TMEM216: variants seen among roughly 807,000 people sequenced by gnomAD.
The protein encoded by TMEM216 is cerebello-oculo-renal syndrome 2.
TMEM216 carries 15 observed loss-of-function variants against 17.8 expected under a neutral mutation model. The ratio of observed to expected loss-of-function variants is 0.84; its 90% CI spans 0.56 to 1.30. The LOEUF (loss-of-function observed/expected upper bound fraction) is 1.30, where lower values mean the gene tolerates loss of function less well. Among genes scored for constraint, TMEM216 ranks in the 50% most tolerant of loss-of-function variants. The probability of loss-of-function intolerance (pLI) is 0.00; values close to 1 mark genes in which losing one functional copy is unlikely to be tolerated. For missense variants in TMEM216, 160 were observed against 175.7 expected, an observed-to-expected ratio of 0.91 and a Z score of 0.51; for synonymous variants, 58 against 73.5, an observed-to-expected ratio of 0.79 and a Z score of 1.08.
chr11:61,398,406 A>G lies in TMEM216; in HGVS notation c.*130A>G. The G allele has an allele frequency of 9.8e-7, 1 of 1,016,882 alleles. No individual in the cohort carries two copies. The highest frequency in any genetic ancestry group is 2.6e-5 in the East Asian group (1 of 38,668). 63.0% of individuals were successfully genotyped at this position (1,016,882 alleles called of 1,614,324 possible). Reference sequence around the variant, plus strand: ...AGGCTGTGTGGCTTTTCTTCAGCACAGACATTTGGGCAAGCAACTCAGCAT... The same window carrying G: ...AGGCTGTGTGGCTTTTCTTCAGCACGGACATTTGGGCAAGCAACTCAGCAT... On this transcript the variant is annotated 3_prime_UTR_variant, in exon 5 of 5. Transcript: ENST00000515837.
Position 61,398,338 on chromosome 11 carries a change from T to G in TMEM216, c.*62T>G. On this transcript the variant is annotated 3_prime_UTR_variant, in exon 5 of 5. Coordinates refer to ENST00000515837, the MANE Select transcript of TMEM216 (RefSeq NM_001173990.3). ...ACCACACATATTGCTTCTGGTACTT[T>G]AGCCACACCAGTGAGAATTGGTGGG... 1 of 1,568,990 alleles carries G rather than the reference T, an allele frequency of 6.4e-7. No individual in the cohort carries two copies. Among genetic ancestry groups the G allele is most frequent in the Non-Finnish European group, 8.7e-7 (1 of 1,145,264 alleles).
chr11:61,393,421 C>G (rs1590641970), intron 2 of TMEM216, 89 bp downstream of exon 2: 2 of 937,412 alleles, frequency 2.1e-6, no homozygotes. Context: ...ATTTTCCGTT[C>G]TTTTCTGCCC....
chr11:61,392,861 G>C, intron 1 of TMEM216, 196 bp downstream of exon 1: 1 of 985,374 alleles, frequency 1.0e-6, no homozygotes, highest in Non-Finnish European at 1.2e-6. Flanking sequence ...TCAAATAAAC[G>C]CAGATCCTTG....
At position 61,393,806 on chromosome 11, in the gene TMEM216, T is replaced by A. The variant is rs921296420; in HGVS notation, c.137-78T>A. 2.7e-6 allele frequency: 3 copies of A among 1,127,448 alleles called. No individual in the cohort carries two copies. In the African/African-American group the frequency reaches 4.6e-5, roughly 17 times the overall value. 69.8% of individuals were successfully genotyped at this position (1,127,448 alleles called of 1,614,324 possible). On this transcript the variant is annotated intron_variant, in intron 2 of 4. Transcript: ENST00000515837. ...TCATGGAAAGCTGAGACTGATGTCC[T>A]CTTTTTTCCCAAGTGTGTGGCAGTT...
chr11:61,395,937 GTAATT>G (rs896973415), intron 3 of TMEM216, among the ~76,000 whole-genome samples: 7 of 152,080 alleles, frequency 4.6e-5, no homozygotes, highest in Non-Finnish European at 5.9e-5. Flanking sequence ...CACTTTTGTG[GTAATT>G]TAATTTAGTA....
rs1040849007 is a variant in TMEM216 at position 61,397,662 on chromosome 11, C to T, written c.230-112C>T. 6.6e-6 allele frequency: 6 copies of T among 909,022 alleles called. No individual in the cohort carries two copies. The African/African-American group carries it at 9.8e-5, about 15-fold the overall frequency. The allele number at this position is 909,022 out of a possible 1,614,324, so 56.3% of individuals were successfully genotyped here. A position where few individuals can be genotyped will look rare whatever the true frequency, so the allele number is the denominator to read the frequency against. ...ACCCCATTTATAAATCTGCACACCC[C>T]CACTCAGGATTATTTTTTGTGCCTT... is the stretch of plus-strand genomic sequence containing the variant. On this transcript the variant is annotated intron_variant, in intron 3 of 4. Transcript: ENST00000515837.
intron 1 of TMEM216, 109 bp downstream of exon 1, chr11:61,392,774 G>C: frequency 6.5e-7 from 1 of 1,529,260 alleles, no homozygotes; most frequent in South Asian, 1.2e-5. Flanking sequence ...CGTTAGGGAC[G>C]TCGCGCCTCC....
intron 2 of TMEM216, among the ~76,000 whole-genome samples, chr11:61,393,573 C>T (rs1858728219): frequency 6.6e-6 from 1 of 152,204 alleles, no homozygotes; most frequent in Non-Finnish European, 1.5e-5. Context: ...CACATCACTG[C>T]TCTTTGCTGA....
Position 61,392,637 on chromosome 11 carries a change from G to A in TMEM216, c.6G>A (p.Leu2=), listed in dbSNP as rs1215171242. The A allele has an allele frequency of 6.5e-7, 1 of 1,535,880 alleles. No homozygotes were observed. The highest frequency in any genetic ancestry group is 2.0e-5 in the Admixed American group (1 of 50,990). Residue 2 remains leucine (L), a synonymous_variant, in exon 1 of 5, where the codon CTG becomes CTA. Transcript: ENST00000515837. ...GGGAGCCGCTGTGGCAGCGTATGCT[G>A]CCACGGGGACTGAAGATGGCGCCGC... M[L]PRGLKMAPRG... is the part of the protein sequence containing the mutation.
chr11:61,397,088 C>A (rs1858816677), intron 3 of TMEM216, among the ~76,000 whole-genome samples: 1 of 151,828 alleles, frequency 6.6e-6, no homozygotes, highest in Non-Finnish European at 1.5e-5. Context: ...CAATACACGT[C>A]ATTCTCTAAT....
chr11:61,398,362 G>C lies in TMEM216; in HGVS notation c.*86G>C. 1 of 1,440,964 alleles carries C rather than the reference G, an allele frequency of 6.9e-7. No homozygotes were observed. The highest frequency in any genetic ancestry group is 9.6e-7 in the Non-Finnish European group (1 of 1,040,422). 89.3% of individuals were successfully genotyped at this position (1,440,964 alleles called of 1,614,324 possible). ...TTAGCCACACCAGTGAGAATTGGTGGGGCAAGTTGTCCTGAGAAAGGCTGT... is the reference window on the plus strand; with the variant it reads ...TTAGCCACACCAGTGAGAATTGGTGCGGCAAGTTGTCCTGAGAAAGGCTGT... On this transcript the variant is annotated 3_prime_UTR_variant, in exon 5 of 5. Transcript: ENST00000515837.
At chr11:61,393,353 G>C (rs1858722133) in intron 2 of TMEM216, 21 bp downstream of exon 2, 1 of 1,481,484 alleles carries the variant, frequency 6.7e-7, no homozygotes, top group Admixed American at 2.0e-5. Context: ...CTTGGGGCTT[G>C]ACGACAGCAT....
chr11:61,393,334 T>C lies in TMEM216; in HGVS notation c.136+2T>C. The C allele has an allele frequency of 6.5e-7, 1 of 1,527,964 alleles. No homozygotes were observed. Among genetic ancestry groups the C allele is most frequent in the Non-Finnish European group, 8.8e-7 (1 of 1,139,470 alleles). 94.7% of individuals were successfully genotyped at this position (1,527,964 alleles called of 1,614,324 possible). A position where few individuals can be genotyped will look rare whatever the true frequency, so the allele number is the denominator to read the frequency against. ...AACTTTTCATATTTCTGTATAAAGGTAAGGAAGGCTTGGGGCTTGACGACA... is the reference window on the plus strand; with the variant it reads ...AACTTTTCATATTTCTGTATAAAGGCAAGGAAGGCTTGGGGCTTGACGACA... On this transcript the variant is annotated splice_donor_variant, in intron 2 of 4. Coordinates refer to ENST00000515837, the MANE Select transcript of TMEM216 (RefSeq NM_001173990.3). LOFTEE classifies it high-confidence loss of function.
chr11:61,396,143 A>C (rs1359778706), intron 3 of TMEM216, among the ~76,000 whole-genome samples: 2 of 152,252 alleles, frequency 1.3e-5, no homozygotes, highest in Non-Finnish European at 2.9e-5. Flanking sequence ...GGGATTGTTA[A>C]ATCAGTTACG....
intron 3 of TMEM216, chr11:61,394,279 T>G (rs1168240655): frequency 2.7e-6 from 1 of 368,502 alleles, no homozygotes; most frequent in African/African-American, 2.1e-5. Context: ...ATAGGTTCAG[T>G]TGTAACTCCA....
intron 2 of TMEM216, 57 bp from the exon 3 acceptor site, chr11:61,393,827 C>A: frequency 2.9e-6 from 4 of 1,371,786 alleles, no homozygotes; most frequent in Non-Finnish European, 3.1e-6. Flanking sequence ...AAGTGTGTGG[C>A]AGTTCTTGTG....
chr11:61,392,604 G>A lies in TMEM216; in HGVS notation c.-28G>A. The A allele has an allele frequency of 1.3e-6, 2 of 1,535,156 alleles. No homozygotes were observed. The highest frequency in any genetic ancestry group is 1.7e-6 in the Non-Finnish European group (2 of 1,146,532). ...TCGTCCCTGTTTCCGGCAGCGCCGC[G>A]CTGCTCCGGGAGCCGCTGTGGCAGC... On this transcript the variant is annotated 5_prime_UTR_variant, in exon 1 of 5. Coordinates refer to ENST00000515837, the MANE Select transcript of TMEM216 (RefSeq NM_001173990.3).
At position 61,398,484 on chromosome 11, in the gene TMEM216, T is replaced by C; in HGVS notation, c.*208T>C. The C allele has an allele frequency of 1.7e-6, 1 of 600,734 alleles. No individual in the cohort carries two copies. Among genetic ancestry groups the C allele is most frequent in the East Asian group, 2.8e-5 (1 of 36,046 alleles). The allele number at this position is 600,734 out of a possible 1,614,324, so 37.2% of individuals were successfully genotyped here. A position where few individuals can be genotyped will look rare whatever the true frequency, so the allele number is the denominator to read the frequency against. Reference sequence around the variant, plus strand: ...CAGGACCATCAGCCCAAGAGACTCTTCTACACTCCAGTATAGGGAGGGGCA... The same window carrying C: ...CAGGACCATCAGCCCAAGAGACTCTCCTACACTCCAGTATAGGGAGGGGCA... On this transcript the variant is annotated 3_prime_UTR_variant, in exon 5 of 5. Coordinates refer to ENST00000515837, the MANE Select transcript of TMEM216 (RefSeq NM_001173990.3).
intron 3 of TMEM216, among the ~76,000 whole-genome samples, chr11:61,395,178 G>C (rs1218796974): frequency 6.6e-6 from 1 of 151,762 alleles, no homozygotes; most frequent in Non-Finnish European, 1.5e-5. Flanking sequence ...GTCTTGCCTT[G>C]TTGCCCAGGC....
Sources: gnomAD v4.1 joint callset for allele counts (sites outside exome capture counted in the v4.1 genomes callset) on GRCh38, gnomAD v4.1.1 for gene constraint, MANE v1.5 for transcripts, NCBI Gene and HGNC (gene_info 2026-07-23, HGNC 2026-07-21) for gene names.